Variants in BPIFB4 observed in about 807,000 individuals in gnomAD.
BPIFB4 encodes the protein BPI fold containing family B member 4.
Under a neutral mutation model 69.2 loss-of-function variants are expected in BPIFB4, and 62 were observed. The ratio of observed to expected loss-of-function variants is 0.90; its 90% confidence interval spans 0.73 to 1.11. The LOEUF is 1.11. Ranked by LOEUF, BPIFB4 falls within the 50% of genes least tolerant of loss-of-function variation. The probability of loss-of-function intolerance (pLI) is 0.00; values close to 1 mark genes in which losing one functional copy is unlikely to be tolerated. For synonymous variants in BPIFB4, 330 were observed against 332.7 expected (o/e 0.99, Z 0.09); for missense variants, 789 against 792.0 (o/e 1.00, Z 0.04).
chr20:33,106,210 G>A lies in BPIFB4; in HGVS notation c.1744+1337G>A, dbSNP rs568827792. 1.7e-4 allele frequency among the ~76,000 whole-genome samples: 26 copies of A among 152,088 alleles called. 1 individual carries two copies. The South Asian group carries it at 5.0e-3, about 29-fold the overall frequency. Reference sequence around the variant, plus strand: ...CTCTTTCTAGAACAGTAATTAGCAGGTTTACTTAGGCTCTGACAATCTGAA... The same window carrying A: ...CTCTTTCTAGAACAGTAATTAGCAGATTTACTTAGGCTCTGACAATCTGAA... On this transcript the variant is annotated intron_variant, in intron 16 of 17. Coordinates refer to ENST00000375483, the MANE Select transcript of BPIFB4 (RefSeq NM_182519.3).
intron 7 of BPIFB4, among the ~76,000 whole-genome samples, chr20:33,088,620 C>T (rs957609983): frequency 6.6e-6 from 1 of 152,178 alleles, no homozygotes; most frequent in Non-Finnish European, 1.5e-5. Flanking sequence ...CAACATAAGG[C>T]TGCAGCAAAT....
In BPIFB4 at chr20:33,083,625, C is replaced by T; in HGVS notation, c.428C>T (p.Pro143Leu). 2 of 1,614,108 alleles carry T rather than the reference C, an allele frequency of 1.2e-6. No individual in the cohort carries two copies. Among genetic ancestry groups the T allele is most frequent in the Non-Finnish European group, 1.7e-6 (2 of 1,180,018 alleles). ...GGCCTCGGGCGATACAGGGCAGCAC[C>T]TGTGGGCAGGCTTCACCGGCGAGAG... is the stretch of plus-strand genomic sequence containing the variant. Reference protein sequence around the residue: ...HRGLGRYRAAPVGRLHRRELQ... With the variant: ...HRGLGRYRAALVGRLHRRELQ... The change falls in exon 5 of 18, where the codon CCT becomes CTT. Residue 143 changes from proline to leucine, a missense_variant. Coordinates refer to ENST00000375483, the MANE Select transcript of BPIFB4 (RefSeq NM_182519.3).
intron 7 of BPIFB4, among the ~76,000 whole-genome samples, chr20:33,086,478 C>A (rs1981433968): frequency 6.6e-6 from 1 of 152,216 alleles, no homozygotes; most frequent in Non-Finnish European, 1.5e-5. Context: ...CAGGAGCATG[C>A]CTGAGACTCA....
intron 11 of BPIFB4, 70 bp downstream of exon 11, chr20:33,092,728 C>T (rs1402355174): frequency 3.5e-6 from 5 of 1,438,236 alleles, no homozygotes; most frequent in Non-Finnish European, 4.8e-6. Context: ...TCTCAGTCTC[C>T]ACAGACTTGG....
rs752811096 is a variant in BPIFB4, at chr20:33,103,001, T to G, written c.1667T>G (p.Val556Gly). The change falls in exon 15 of 18, where the codon GTG becomes GGG. Residue 556 changes from valine to glycine, a missense_variant. By Grantham distance (109) the Val-to-Gly change is moderately radical. Transcript: ENST00000375483. The stretch of plus-strand genomic sequence containing the variant: ...AGCCTCAACCTCAGAACCTCAAACG[T>G]GGGCAACTTTGATGTAAGTACCATG... Reference protein sequence around the residue: ...KTSLNLRTSNVGNFDIGLMEV... With the variant: ...KTSLNLRTSNGGNFDIGLMEV... 43 of 1,613,990 alleles carry G rather than the reference T, an allele frequency of 2.7e-5. No homozygotes were observed. Among genetic ancestry groups the G allele is most frequent in the Non-Finnish European group, 3.6e-5 (43 of 1,179,982 alleles).
intron 7 of BPIFB4, among the ~76,000 whole-genome samples, chr20:33,087,089 A>C (rs1981452912): frequency 6.6e-6 from 1 of 152,226 alleles, no homozygotes; most frequent in Admixed American, 6.5e-5. Context: ...GGAGGCAAAG[A>C]AAATCAGCTC....
At chr20:33,089,099 C>T in intron 8 of BPIFB4, 70 bp downstream of exon 8, 1 of 1,608,850 alleles carries the variant, frequency 6.2e-7, no homozygotes, top group Non-Finnish European at 8.5e-7. Context: ...ATAGTCCAGC[C>T]TCCATCCCTG....
chr20:33,086,942 C>T (rs372070870), intron 7 of BPIFB4, among the ~76,000 whole-genome samples: 1 of 152,140 alleles, frequency 6.6e-6, no homozygotes, highest in African/African-American at 2.4e-5. Flanking sequence ...GGCCTCTGTC[C>T]CCACTTCTTC....
At position 33,095,379 on chromosome 20, in the gene BPIFB4, G is replaced by A. The variant is rs116159978; in HGVS notation, c.1398+226G>A. Among the ~76,000 whole-genome samples the A allele has an allele frequency of 2.0e-5, 3 of 152,272 alleles. No homozygotes were observed. The East Asian group carries it at 5.8e-4, about 29-fold the overall frequency. On this transcript the variant is annotated intron_variant, in intron 12 of 17. Transcript: ENST00000375483. ...GGAAAGACCCTGAATTCTATAGGTG[G>A]TCCAGCCTGCATAGGCCTAATCCTA...
In BPIFB4 at chr20:33,092,557, A is replaced by G. The variant is rs199542008; in HGVS notation, c.1243A>G (p.Asn415Asp). ...GCCAGAGCTGCCTCCCATGGGTGAC[A>G]ACACCAAGTCCCAGCTGGCCATGTC... ...PMPELPPMGDNTKSQLAMSAN... is the reference protein window; with the variant it reads ...PMPELPPMGDDTKSQLAMSAN... The change falls in exon 11 of 18, where the codon AAC becomes GAC. Residue 415 changes from asparagine (N) to aspartate (D), a missense_variant. By Grantham distance (23) the Asn-to-Asp change is conservative. This residue lies in a region of BPIFB4 where 611 missense variants were observed against 575.4 expected (regional missense o/e 1.06). Transcript: ENST00000375483. The G allele has an allele frequency of 6.2e-7, 1 of 1,614,138 alleles. No individual in the cohort carries two copies. The highest frequency in any genetic ancestry group is 2.2e-5 in the East Asian group (1 of 44,882).
At chr20:33,094,142 A>G (rs1444887737) in intron 11 of BPIFB4, among the ~76,000 whole-genome samples, 2 of 152,262 alleles carry the variant, frequency 1.3e-5, no homozygotes, top group Admixed American at 1.3e-4. Context: ...TGGTGTCCGT[A>G]TATAGTTAGC....
chr20:33,081,109 G>A (rs565026081), intron 2 of BPIFB4, among the ~76,000 whole-genome samples: 2 of 152,300 alleles, frequency 1.3e-5, no homozygotes, highest in Non-Finnish European at 2.9e-5. Flanking sequence ...GTAGATGGGT[G>A]AGTGATGTAG....
rs542045948 is a variant in BPIFB4, at chr20:33,086,082, A to G, written c.844A>G (p.Met282Val). 5.6e-6 allele frequency: 9 copies of G among 1,613,482 alleles called. No individual in the cohort carries two copies. The highest frequency in any genetic ancestry group is 1.7e-5 in the Admixed American group (1 of 60,022). ...VNITAKVRLT[M>V]DRTGYPRLVI... ...CATCACAGCCAAGGTCCGGCTGACC[A>G]TGGACCGCACGGGTTATCCTCGGCT... Residue 282 changes from methionine (M) to valine (V), a missense_variant, in exon 7 of 18, where the codon ATG becomes GTG. Transcript: ENST00000375483.
chr20:33,102,605 C>T (rs1436254465), intron 14 of BPIFB4, among the ~76,000 whole-genome samples: 1 of 152,236 alleles, frequency 6.6e-6, no homozygotes, highest in Non-Finnish European at 1.5e-5. Context: ...ATCACTCATG[C>T]ACCTATGGCA....
intron 7 of BPIFB4, among the ~76,000 whole-genome samples, chr20:33,087,241 G>C (rs756850027): frequency 7.2e-5 from 11 of 152,086 alleles, no homozygotes; most frequent in South Asian, 2.1e-4. Context: ...AGAGCACAGG[G>C]CCTCCTCCTA....
intron 6 of BPIFB4, among the ~76,000 whole-genome samples, chr20:33,085,417 T>C (rs1413843474): frequency 6.6e-6 from 1 of 152,128 alleles, no homozygotes. Flanking sequence ...ATCGTGCCAC[T>C]GCACTCCAGC....
intron 13 of BPIFB4, 80 bp from the exon 14 acceptor site, chr20:33,100,346 C>T (rs1981872614): frequency 1.6e-6 from 2 of 1,245,916 alleles, no homozygotes; most frequent in Non-Finnish European, 2.3e-6. Flanking sequence ...CTAGCTAGCA[C>T]TGGGCACACA....
At chr20:33,099,897 G>A (rs551572422) in intron 13 of BPIFB4, among the ~76,000 whole-genome samples, 55 of 150,824 alleles carry the variant, frequency 3.6e-4, no homozygotes, top group African/African-American at 1.0e-3. Flanking sequence ...GAAGGAAAAA[G>A]GGATTTTCCT....
rs1354332298 is a variant in BPIFB4 at position 33,081,571 on chromosome 20, G to C, written c.45G>C (p.Val15=). 1 of 1,551,754 alleles carries C rather than the reference G, an allele frequency of 6.4e-7. No homozygotes were observed. Among genetic ancestry groups the C allele is most frequent in the Non-Finnish European group, 8.7e-7 (1 of 1,147,016 alleles). Residue 15 remains valine (V), a synonymous_variant, in exon 3 of 18, where the codon GTG becomes GTC. Transcript: ENST00000375483. Reference sequence around the variant, plus strand: ...TGGCTGCGCTGTCTGTGGTGGCTGTGTGTGGCACCAGCCACGAGACAAACA... The same window carrying C: ...TGGCTGCGCTGTCTGTGGTGGCTGTCTGTGGCACCAGCCACGAGACAAACA... The part of the protein sequence containing the change: ...WCVAALSVVA[V]CGTSHETNTV...
Sources: gnomAD v4.1 joint callset for allele counts (sites outside exome capture counted in the v4.1 genomes callset) on GRCh38, gnomAD v4.1.1 for gene constraint, gnomAD v4.1.1 regional missense constraint, MANE v1.5 for transcripts, NCBI Gene and HGNC (gene_info 2026-07-23, HGNC 2026-07-21) for gene names.